The following CDK14 variants were observed in gnomAD, a reference collection of about 807,000 sequenced individuals.
The protein encoded by CDK14 is cyclin dependent kinase 14.
Under a neutral mutation model 60.7 loss-of-function variants are expected in CDK14, and 34 were observed. That is an observed-to-expected ratio of 0.56 (90% confidence interval 0.43 to 0.75). The LOEUF (loss-of-function observed/expected upper bound fraction) is 0.75, where lower values mean the gene tolerates loss of function less well. CDK14 is among the 30% of genes least tolerant of loss of function. The pLI is 0.00. For synonymous variants in CDK14, 197 were observed against 203.7 expected, an observed-to-expected ratio of 0.97 and a Z score of 0.28; for missense variants, 482 against 564.1, an observed-to-expected ratio of 0.85 and a Z score of 1.47.
At chr7:90,698,758 T>C (rs1801718892) in intron 2 of CDK14, among the ~76,000 whole-genome samples, 1 of 152,234 alleles carries the variant, frequency 6.6e-6, no homozygotes, top group South Asian at 2.1e-4. Context: ...TAGCATTTGC[T>C]ACTCACTAAA....
intron 2 of CDK14, among the ~76,000 whole-genome samples, chr7:90,723,322 T>C (rs1478438481): frequency 2.6e-5 from 4 of 152,218 alleles, no homozygotes; most frequent in Non-Finnish European, 2.9e-5. Flanking sequence ...CTCTTGCAGA[T>C]GCTCCTTAGC....
chr7:91,210,065 A>G lies in CDK14; in HGVS notation c.*2929A>G, dbSNP rs532054239. On this transcript the variant is annotated 3_prime_UTR_variant, in exon 15 of 15. Transcript: ENST00000380050. Reference sequence around the variant, plus strand: ...ATATAAGAGGATGTTTAGGCTGTATATACTGGGGTAGATTATTGCCTGCCC... The same window carrying G: ...ATATAAGAGGATGTTTAGGCTGTATGTACTGGGGTAGATTATTGCCTGCCC... 6.5e-6 allele frequency: 1 copy of G among 152,770 alleles called. No individual in the cohort carries two copies. Among genetic ancestry groups the G allele is most frequent in the South Asian group, 2.1e-4 (1 of 4,824 alleles). 9.5% of individuals were successfully genotyped at this position (152,770 alleles called of 1,614,324 possible).
At chr7:91,142,208 C>T (rs539155670) in intron 14 of CDK14, among the ~76,000 whole-genome samples, 1 of 152,134 alleles carries the variant, frequency 6.6e-6, no homozygotes, top group South Asian at 2.1e-4. Context: ...TTCTGCATCT[C>T]ATTTTTTTAT....
chr7:91,210,372 C>T lies in CDK14; in HGVS notation c.*3236C>T, dbSNP rs1803030424. 1 of 151,576 alleles carries T rather than the reference C, an allele frequency of 6.6e-6. No homozygotes were observed. The allele number at this position is 151,576 out of a possible 1,614,324, so 9.4% of individuals were successfully genotyped here. ...TTTGTATGATGCACTGAGATGTGTA[C>T]TTTCTAACAGGGGATTGGTACCTAA... is the stretch of plus-strand genomic sequence containing the variant. On this transcript the variant is annotated 3_prime_UTR_variant, in exon 15 of 15. Coordinates refer to ENST00000380050, the MANE Select transcript of CDK14 (RefSeq NM_001287135.2).
At chr7:90,793,169 G>T (rs1396724099) in intron 5 of CDK14, among the ~76,000 whole-genome samples, 1 of 152,122 alleles carries the variant, frequency 6.6e-6, no homozygotes, top group African/African-American at 2.4e-5. Context: ...ATCTAGCATG[G>T]TAATCACTCT....
In CDK14 at chr7:90,880,141, G is replaced by C. The variant is rs375497987; in HGVS notation, c.639+16872G>C. Among the ~76,000 whole-genome samples, 228 of 152,354 alleles carry C rather than the reference G, an allele frequency of 1.5e-3. 4 individuals are homozygous for C. The highest frequency in any genetic ancestry group is 9.6e-4 in the Non-Finnish European group (65 of 68,030). On this transcript the variant is annotated intron_variant, in intron 6 of 14. Transcript: ENST00000380050. The stretch of plus-strand genomic sequence containing the variant: ...CTGTCTAAGCCATTTGAGCTCCTTG[G>C]GGGAGGGACAGCAGCCAGCACTGGG...
At chr7:91,124,150 A>G (rs1303596919) in intron 14 of CDK14, among the ~76,000 whole-genome samples, 4 of 152,036 alleles carry the variant, frequency 2.6e-5, no homozygotes, top group Non-Finnish European at 5.9e-5. Context: ...CGCCTCACAA[A>G]GTGTTGGGAT....
chr7:90,759,893 G>A (rs1233699848), intron 4 of CDK14, among the ~76,000 whole-genome samples: 2 of 152,200 alleles, frequency 1.3e-5, no homozygotes, highest in African/African-American at 2.4e-5. Flanking sequence ...TTCAGTTTCT[G>A]TTGAGGTGAA....
chr7:91,040,084 G>A (rs1032815446), intron 10 of CDK14, among the ~76,000 whole-genome samples: 3 of 152,092 alleles, frequency 2.0e-5, no homozygotes, highest in Admixed American at 6.6e-5. Context: ...ATCCTATCTC[G>A]AAAAATAAAA....
chr7:90,709,711 T>G (rs1801991647), intron 2 of CDK14: 1 of 1,476,802 alleles, frequency 6.8e-7, no homozygotes, highest in Admixed American at 2.4e-5. Flanking sequence ...CTTTGAGTTC[T>G]TCTCAACAGT....
intron 6 of CDK14, among the ~76,000 whole-genome samples, chr7:90,880,849 T>A (rs1042583501): frequency 6.6e-6 from 1 of 151,848 alleles, no homozygotes; most frequent in African/African-American, 2.4e-5. Context: ...AGAAGAGGGA[T>A]CTGACTACTG....
Position 90,878,699 on chromosome 7 carries a change from A to G in CDK14, c.639+15430A>G, listed in dbSNP as rs1016224200. Among the ~76,000 whole-genome samples, 32 of 152,358 alleles carry G rather than the reference A, an allele frequency of 2.1e-4. 1 individual carries two copies. Among genetic ancestry groups the G allele is most frequent in the Non-Finnish European group, 3.8e-4 (26 of 68,038 alleles). ...CAAGTATATGACACATTACACCAGA[A>G]AATCAGACTTTCAGAGATCAGAAGG... On this transcript the variant is annotated intron_variant, in intron 6 of 14. Coordinates refer to ENST00000380050, the MANE Select transcript of CDK14 (RefSeq NM_001287135.2).
At chr7:91,205,830 C>T (rs915971523) in intron 14 of CDK14, among the ~76,000 whole-genome samples, 13 of 151,976 alleles carry the variant, frequency 8.6e-5, no homozygotes, top group African/African-American at 3.1e-4. Context: ...GAGTCTTGCT[C>T]TATTGCCCAG....
intron 14 of CDK14, among the ~76,000 whole-genome samples, chr7:91,161,576 G>A (rs1231564622): frequency 6.6e-6 from 1 of 152,146 alleles, no homozygotes; most frequent in Non-Finnish European, 1.5e-5. Context: ...GCGGAGTGAA[G>A]GTTAAAAAAT....
chr7:91,106,230 G>C (rs576143130), intron 12 of CDK14, among the ~76,000 whole-genome samples: 1 of 152,212 alleles, frequency 6.6e-6, no homozygotes, highest in African/African-American at 2.4e-5. Flanking sequence ...ACTCTGAAGA[G>C]GAAGAGAAGA....
chr7:91,172,355 G>T (rs1380155540), intron 14 of CDK14, among the ~76,000 whole-genome samples: 1 of 152,120 alleles, frequency 6.6e-6, no homozygotes, highest in African/African-American at 2.4e-5. Context: ...CCTAAATATT[G>T]TCTTAAAATC....
chr7:90,895,377 T>TCCC (rs1283902735), intron 6 of CDK14, among the ~76,000 whole-genome samples: 51 of 3,076 alleles, frequency 0.017, 10 homozygotes, highest in East Asian at 0.029. Flanking sequence ...TCCCCTCCCC[T>TCCC]CTCCTCTCCT....
rs774454557 is a variant in CDK14 at position 90,649,355 on chromosome 7, T to TC, written c.123+45108dup. On this transcript the variant is annotated intron_variant, in intron 2 of 14. Transcript: ENST00000380050. Reference sequence around the variant, plus strand: ...TTCCTTCCTTCCTTCCTTCCTTCCTTCCTTCCTTCCTTTCCTTCCTTCCTT... The same window carrying TC: ...TTCCTTCCTTCCTTCCTTCCTTCCTTCCCTTCCTTCCTTTCCTTCCTTCCTT... 9.7e-5 allele frequency among the ~76,000 whole-genome samples: 5 copies of TC among 51,736 alleles called. 1 individual carries two copies. The highest frequency in any genetic ancestry group is 2.1e-3 in the East Asian group (1 of 478). The allele number at this position is 51,736 out of a possible 152,430, so 33.9% of individuals were successfully genotyped here. A position where few individuals can be genotyped will look rare whatever the true frequency, so the allele number is the denominator to read the frequency against.
chr7:90,809,391 A>G (rs897398560), intron 5 of CDK14, among the ~76,000 whole-genome samples: 5 of 152,190 alleles, frequency 3.3e-5, no homozygotes, highest in Admixed American at 1.3e-4. Flanking sequence ...TAACAAAATG[A>G]AGGCAGAAAT....
Sources: gnomAD v4.1 joint callset for allele counts (sites outside exome capture counted in the v4.1 genomes callset) on GRCh38, gnomAD v4.1.1 for gene constraint, MANE v1.5 for transcripts, NCBI Gene and HGNC (gene_info 2026-07-23, HGNC 2026-07-21) for gene names.